UBL3: variants seen among roughly 807,000 people sequenced by gnomAD.
UBL3 encodes the protein ubiquitin like 3.
In UBL3, 6 loss-of-function variants were observed where a neutral mutation model predicts 18.4. That is an observed-to-expected ratio of 0.33 (90% CI 0.18 to 0.64). The LOEUF (loss-of-function observed/expected upper bound fraction) is 0.64. Among genes scored for constraint, UBL3 ranks in the 30% least tolerant of loss-of-function variants. The pLI is 0.76. For synonymous variants in UBL3, 49 were observed against 46.6 expected (o/e 1.05, Z -0.21); for missense variants, 109 against 142.9 (o/e 0.76, Z 1.21).
At chr13:29,846,351 T>C (rs1202028631) in intron 1 of UBL3, among the ~76,000 whole-genome samples, 2 of 152,136 alleles carry the variant, frequency 1.3e-5, no homozygotes, top group African/African-American at 2.4e-5. Flanking sequence ...TTATAGGACA[T>C]ATATATTGCA....
chr13:29,819,910 A>G (rs1313805300), intron 1 of UBL3, among the ~76,000 whole-genome samples: 1 of 152,088 alleles, frequency 6.6e-6, no homozygotes, highest in Admixed American at 6.5e-5. Flanking sequence ...CCTACCCCCA[A>G]AACTTTTCTA....
At chr13:29,846,110 A>G (rs1453665900) in intron 1 of UBL3, among the ~76,000 whole-genome samples, 1 of 152,128 alleles carries the variant, frequency 6.6e-6, no homozygotes, top group Non-Finnish European at 1.5e-5. Flanking sequence ...CATAAGTCAC[A>G]CTGCAACTAT....
At chr13:29,779,203 C>T (rs1469064579) in intron 1 of UBL3, 1 of 500,532 alleles carries the variant, frequency 2.0e-6, no homozygotes. Flanking sequence ...AAGCAAGGAA[C>T]CTAACATCTA....
chr13:29,811,700 A>G (rs192046734), intron 1 of UBL3, among the ~76,000 whole-genome samples: 1 of 152,214 alleles, frequency 6.6e-6, no homozygotes, highest in Non-Finnish European at 1.5e-5. Flanking sequence ...TACCTCCAAT[A>G]ATGAAAAATA....
chr13:29,800,043 T>C (rs903936602), intron 1 of UBL3, among the ~76,000 whole-genome samples: 2 of 152,198 alleles, frequency 1.3e-5, no homozygotes, highest in East Asian at 3.8e-4. Context: ...AATAGGGGGA[T>C]GACTATACTA....
intron 1 of UBL3, among the ~76,000 whole-genome samples, chr13:29,794,654 T>A (rs1351465753): frequency 6.6e-6 from 1 of 152,222 alleles, no homozygotes; most frequent in East Asian, 1.9e-4. Flanking sequence ...AGCATCCTAG[T>A]TTAGACTCTT....
At chr13:29,786,775 T>C (rs889691306) in intron 1 of UBL3, among the ~76,000 whole-genome samples, 3 of 152,106 alleles carry the variant, frequency 2.0e-5, no homozygotes, top group Non-Finnish European at 4.4e-5. Flanking sequence ...TTAGTTATGA[T>C]GTAGATTCTA....
In UBL3 at chr13:29,849,638, G is replaced by A. The variant is rs925742513; in HGVS notation, c.-100C>T. On this transcript the variant is annotated 5_prime_UTR_variant, in exon 1 of 5. Coordinates refer to ENST00000380680, the MANE Select transcript of UBL3 (RefSeq NM_007106.4). ...CAGAAATAAACCACGATTTTGACTG[G>A]TTCGTGATGTGCTTTCTCCCCCAAA... is the stretch of plus-strand genomic sequence containing the variant. 5 of 1,451,708 alleles carry A rather than the reference G, an allele frequency of 3.4e-6. No individual in the cohort carries two copies. The highest frequency in any genetic ancestry group is 1.4e-5 in the African/African-American group (1 of 71,436). The allele number at this position is 1,451,708 out of a possible 1,614,324, so 89.9% of individuals were successfully genotyped here.
intron 1 of UBL3, among the ~76,000 whole-genome samples, chr13:29,807,236 G>A (rs1215325088): frequency 1.3e-5 from 2 of 152,114 alleles, no homozygotes; most frequent in Non-Finnish European, 2.9e-5. Flanking sequence ...GCTACTTCTT[G>A]TATGGGAAAC....
At chr13:29,828,297 C>T (rs1878677421) in intron 1 of UBL3, among the ~76,000 whole-genome samples, 1 of 152,150 alleles carries the variant, frequency 6.6e-6, no homozygotes, top group African/African-American at 2.4e-5. Context: ...TCCATTCTCC[C>T]CATCACTTTC....
At chr13:29,803,246 A>C (rs1198295631) in intron 1 of UBL3, among the ~76,000 whole-genome samples, 1 of 152,192 alleles carries the variant, frequency 6.6e-6, no homozygotes, top group African/African-American at 2.4e-5. Context: ...AACTTACCAG[A>C]GGTCCTTAAA....
At position 29,799,555 on chromosome 13, in the gene UBL3, A is replaced by G. The variant is rs191819639; in HGVS notation, c.28-22292T>C. 6.6e-4 allele frequency among the ~76,000 whole-genome samples: 101 copies of G among 152,332 alleles called. No individual in the cohort carries two copies. In the East Asian group the frequency reaches 0.018, roughly 26 times the overall value. ...ATTTTCTTTGCTCCCATACACTAAG[A>G]CTATAAAATTATGAGTCTGTAACAA... On this transcript the variant is annotated intron_variant, in intron 1 of 4. Coordinates refer to ENST00000380680, the MANE Select transcript of UBL3 (RefSeq NM_007106.4).
At chr13:29,837,619 T>G (rs202149449) in intron 1 of UBL3, among the ~76,000 whole-genome samples, 1 of 152,066 alleles carries the variant, frequency 6.6e-6, no homozygotes, top group Non-Finnish European at 1.5e-5. Flanking sequence ...CCCAACACTT[T>G]GTAATCATGC....
chr13:29,800,297 T>G (rs1877725880), intron 1 of UBL3, among the ~76,000 whole-genome samples: 1 of 152,208 alleles, frequency 6.6e-6, no homozygotes, highest in Non-Finnish European at 1.5e-5. Context: ...TGGATTTAAA[T>G]TTCAGCCTCT....
chr13:29,800,978 G>C (rs1402772719), intron 1 of UBL3, among the ~76,000 whole-genome samples: 1 of 152,146 alleles, frequency 6.6e-6, no homozygotes, highest in East Asian at 1.9e-4. Context: ...TTCACCTCCG[G>C]GTAGGGACAG....
Position 29,778,242 on chromosome 13 carries a change from A to G in UBL3, c.28-979T>C, listed in dbSNP as rs946953119. Among the ~76,000 whole-genome samples the G allele has an allele frequency of 2.6e-5, 4 of 152,206 alleles. No individual in the cohort carries two copies. In the East Asian group the frequency reaches 7.7e-4, roughly 29 times the overall value. On this transcript the variant is annotated intron_variant, in intron 1 of 4. Coordinates refer to ENST00000380680, the MANE Select transcript of UBL3 (RefSeq NM_007106.4). ...ACCCTAAGGGGGATAACAGAATTAA[A>G]GTGTTTGAGATCTACTGGCTTCACA...
At chr13:29,789,423 G>C (rs1194416004) in intron 1 of UBL3, among the ~76,000 whole-genome samples, 2 of 152,158 alleles carry the variant, frequency 1.3e-5, no homozygotes, top group Non-Finnish European at 2.9e-5. Flanking sequence ...GCAAAATTCA[G>C]AATCTTTCAT....
chr13:29,822,966 A>C (rs1185040981), intron 1 of UBL3, among the ~76,000 whole-genome samples: 1 of 152,200 alleles, frequency 6.6e-6, no homozygotes, highest in Non-Finnish European at 1.5e-5. Flanking sequence ...AAAAATGTGG[A>C]GCGTAGAGAG....
Position 29,830,175 on chromosome 13 carries a change from C to A in UBL3, c.27+19337G>T, listed in dbSNP as rs142375056. ...CCTTTTGTCCATCCTGGGATAGCCA[C>A]TTGAACTACTCAAGGGAGACTTCAG... On this transcript the variant is annotated intron_variant, in intron 1 of 4. Coordinates refer to ENST00000380680, the MANE Select transcript of UBL3 (RefSeq NM_007106.4). Among the ~76,000 whole-genome samples the A allele has an allele frequency of 9.2e-4, 140 of 152,264 alleles. 2 individuals are homozygous for A. In the East Asian group the frequency reaches 0.022, roughly 24 times the overall value.
Sources: allele counts gnomAD v4.1 joint callset (sites outside exome capture counted in the v4.1 genomes callset), GRCh38; gene constraint gnomAD v4.1.1; transcripts MANE v1.5; gene names NCBI Gene and HGNC (gene_info 2026-07-23, HGNC 2026-07-21).